FAM171B: variants seen among roughly 807,000 people sequenced by gnomAD.
The protein encoded by FAM171B is protein FAM171B.
Under a neutral mutation model 75.6 loss-of-function variants are expected in FAM171B, and 19 were observed. That is an observed-to-expected ratio of 0.25 (90% CI 0.18 to 0.37). FAM171B has a LOEUF of 0.37. Among genes scored for constraint, FAM171B ranks in the 10% least tolerant of loss-of-function variants. FAM171B has a pLI of 1.00. For synonymous variants in FAM171B, 367 were observed against 361.7 expected (o/e 1.01, Z -0.17); for missense variants, 848 against 982.4 (o/e 0.86, Z 1.83).
At chr2:186,725,268 C>T (rs775273956) in intron 1 of FAM171B, among the ~76,000 whole-genome samples, 11 of 150,218 alleles carry the variant, frequency 7.3e-5, no homozygotes, top group South Asian at 2.1e-4. Context: ...GGTGTTAACC[C>T]GGGAGGCGGA....
chr2:186,724,229 GATGAT>G (rs1689997768), intron 1 of FAM171B, among the ~76,000 whole-genome samples: 1 of 135,904 alleles, frequency 7.4e-6, no homozygotes, highest in Non-Finnish European at 1.7e-5. Context: ...ACTGATTGAT[GATGAT>G]ATTTTATATA....
At position 186,762,424 on chromosome 2, in the gene FAM171B, G is replaced by A; in HGVS notation, c.2082G>A (p.Lys694=). Residue 694 remains lysine, a synonymous_variant, in exon 8 of 8, where the codon AAG becomes AAA. Coordinates refer to ENST00000304698, the MANE Select transcript of FAM171B (RefSeq NM_177454.4). The surrounding 1 kb of genome is among the most constrained non-coding windows in gnomAD (Gnocchi z 4.0). ...GGCACTCCTTTATAGACCTGAAAAA[G>A]GGCAAGAGAACCCAGAGCAATGACA... The part of the protein sequence containing the change: ...QVRHSFIDLK[K]GKRTQSNDTS... 1 of 1,613,648 alleles carries A rather than the reference G, an allele frequency of 6.2e-7. No homozygotes were observed. Among genetic ancestry groups the A allele is most frequent in the Non-Finnish European group, 8.5e-7 (1 of 1,179,772 alleles).
intron 1 of FAM171B, among the ~76,000 whole-genome samples, chr2:186,711,395 C>T (rs781465559): frequency 8.5e-5 from 13 of 152,162 alleles, no homozygotes; most frequent in Non-Finnish European, 1.8e-4. Flanking sequence ...TTCTTCCCAA[C>T]TTTATTCTGG....
At chr2:186,725,504 A>G in intron 1 of FAM171B, among the ~76,000 whole-genome samples, 1 of 152,132 alleles carries the variant, frequency 6.6e-6, no homozygotes, top group East Asian at 1.9e-4. Flanking sequence ...ATCTGAGCTG[A>G]GTCTCAAGGA....
In FAM171B at chr2:186,694,111, C is replaced by T. The variant is rs532392399; in HGVS notation, c.-63C>T. ...AGCGGGCGCTGCCAGGAGCCCGCAG[C>T]CCTGGCGCCCGCCGCCGCCCGGAGC... On this transcript the variant is annotated 5_prime_UTR_variant, in exon 1 of 8. Transcript: ENST00000304698. The T allele has an allele frequency of 1.4e-6, 2 of 1,417,752 alleles. No individual in the cohort carries two copies. The highest frequency in any genetic ancestry group is 3.1e-5 in the South Asian group (2 of 64,496). 87.8% of individuals were successfully genotyped at this position (1,417,752 alleles called of 1,614,324 possible). A position where few individuals can be genotyped will look rare whatever the true frequency, so the allele number is the denominator to read the frequency against.
At position 186,761,881 on chromosome 2, in the gene FAM171B, G is replaced by A. The variant is rs756456285; in HGVS notation, c.1539G>A (p.Arg513=). The part of the protein sequence containing the change: ...SSLGDAQDEK[R]YLTGNEEAYG... ...TAGGTGATGCTCAAGATGAAAAGAG[G>A]TATCTCACAGGTAATGAGGAGGCGT... The change falls in exon 8 of 8, where the codon AGG becomes AGA. Residue 513 remains arginine, a synonymous_variant. Coordinates refer to ENST00000304698, the MANE Select transcript of FAM171B (RefSeq NM_177454.4). 1.9e-6 allele frequency: 3 copies of A among 1,613,098 alleles called. No individual in the cohort carries two copies. The South Asian group carries it at 3.3e-5, about 18-fold the overall frequency.
chr2:186,711,823 A>G (rs558441969), intron 1 of FAM171B, among the ~76,000 whole-genome samples: 1 of 152,306 alleles, frequency 6.6e-6, no homozygotes, highest in South Asian at 2.1e-4. Context: ...TCCAAACTCC[A>G]GCAGAAACCA....
At chr2:186,727,964 G>C (rs575891990) in intron 1 of FAM171B, among the ~76,000 whole-genome samples, 3 of 152,150 alleles carry the variant, frequency 2.0e-5, no homozygotes, top group Admixed American at 2.0e-4. Flanking sequence ...AAAATGGTGG[G>C]TAGAGAGCAA....
chr2:186,706,787 A>G (rs1202423999), intron 1 of FAM171B, among the ~76,000 whole-genome samples: 2 of 151,874 alleles, frequency 1.3e-5, no homozygotes, highest in Non-Finnish European at 2.9e-5. Flanking sequence ...GGCCCAATTT[A>G]CTCCCCTTTC....
At chr2:186,739,736 T>C (rs1400537482) in intron 1 of FAM171B, among the ~76,000 whole-genome samples, 1 of 152,222 alleles carries the variant, frequency 6.6e-6, no homozygotes, top group Non-Finnish European at 1.5e-5. Flanking sequence ...TTTATTTTTG[T>C]ATGTAGAAGG....
At chr2:186,724,487 G>A (rs2105780042) in intron 1 of FAM171B, among the ~76,000 whole-genome samples, 1 of 152,232 alleles carries the variant, frequency 6.6e-6, no homozygotes, top group South Asian at 2.1e-4. Context: ...GAAGAAATAT[G>A]TTTTTCGTGT....
intron 2 of FAM171B, among the ~76,000 whole-genome samples, chr2:186,740,952 T>TA (rs1690280839): frequency 6.6e-6 from 1 of 152,206 alleles, no homozygotes. Context: ...CTTTAAAGAA[T>TA]AAATGTGTAA....
intron 1 of FAM171B, among the ~76,000 whole-genome samples, chr2:186,724,412 C>T (rs1690001321): frequency 6.6e-6 from 1 of 152,100 alleles, no homozygotes; most frequent in Non-Finnish European, 1.5e-5. Flanking sequence ...AGCTTTGGAC[C>T]CTAAGACTCA....
At chr2:186,724,963 T>C (rs761111420) in intron 1 of FAM171B, among the ~76,000 whole-genome samples, 6 of 152,226 alleles carry the variant, frequency 3.9e-5, no homozygotes, top group African/African-American at 7.2e-5. Context: ...TATCTTCTTA[T>C]GTTTCATCAG....
Position 186,762,013 on chromosome 2 carries a change from T to C in FAM171B, c.1671T>C (p.Ala557=), listed in dbSNP as rs373848528. The C allele has an allele frequency of 6.2e-6, 10 of 1,613,586 alleles. No individual in the cohort carries two copies. The highest frequency in any genetic ancestry group is 1.3e-5 in the African/African-American group (1 of 74,870). ...CCACACCGGAACAATTACATACTGC[T>C]AAGTCAGCTACTTTGCCAAGAAAGG... ...LFSTPEQLHT[A]KSATLPRKGQ... is the part of the protein sequence containing the mutation. Residue 557 remains alanine (A), a synonymous_variant, in exon 8 of 8, where the codon GCT becomes GCC. Coordinates refer to ENST00000304698, the MANE Select transcript of FAM171B (RefSeq NM_177454.4). The surrounding 1 kb of genome is among the most constrained non-coding windows in gnomAD (Gnocchi z 4.0).
intron 3 of FAM171B, among the ~76,000 whole-genome samples, chr2:186,745,582 A>C (rs1331471948): frequency 1.3e-5 from 2 of 152,228 alleles, no homozygotes; most frequent in Non-Finnish European, 2.9e-5. Flanking sequence ...AATGTTTCAT[A>C]ATGATGTTAA....
intron 1 of FAM171B, among the ~76,000 whole-genome samples, chr2:186,727,269 T>C (rs548318555): frequency 2.6e-5 from 4 of 152,208 alleles, no homozygotes; most frequent in African/African-American, 9.6e-5. Context: ...GGAGATCCCA[T>C]TTGGTTGGGC....
Position 186,761,090 on chromosome 2 carries a change from T to G in FAM171B, c.1013-23T>G, listed in dbSNP as rs1310988056. 5 of 1,581,362 alleles carry G rather than the reference T, an allele frequency of 3.2e-6. No homozygotes were observed. The South Asian group carries it at 3.5e-5, about 11-fold the overall frequency. On this transcript the variant is annotated intron_variant, in intron 6 of 7. Transcript: ENST00000304698. ...ATTTGATCTAAAATAACATTTTCTC[T>G]TTGTTTATATTGAACCATGTAGGTT...
At chr2:186,735,962 C>T (rs1690193437) in intron 1 of FAM171B, among the ~76,000 whole-genome samples, 1 of 152,100 alleles carries the variant, frequency 6.6e-6, no homozygotes, top group Non-Finnish European at 1.5e-5. Context: ...GTAATTTGAC[C>T]TCTCACAAGG....
Sources: allele counts gnomAD v4.1 joint callset (sites outside exome capture counted in the v4.1 genomes callset), GRCh38; gene constraint gnomAD v4.1.1; non-coding constraint Gnocchi (gnomAD v3.1); transcripts MANE v1.5; gene names NCBI Gene and HGNC (gene_info 2026-07-23, HGNC 2026-07-21).